The following MTUS1 variants were observed in gnomAD, a reference collection of about 807,000 sequenced individuals.
MTUS1 encodes microtubule-associated tumor suppressor 1.
MTUS1 carries 109 observed loss-of-function variants against 120.8 expected under a neutral mutation model. The observed-to-expected ratio is 0.90, with a 90% CI of 0.77 to 1.06. MTUS1 has a LOEUF of 1.06. Ranked by LOEUF, MTUS1 falls within the 50% of genes least tolerant of loss-of-function variation. The pLI, the probability that MTUS1 is intolerant of heterozygous loss-of-function variation, is 0.00. For missense variants in MTUS1, 2,210 were observed against 1,486.3 expected (o/e 1.49, Z -8.01); for synonymous variants, 737 against 550.5 (o/e 1.34, Z -4.74).
intron 9 of MTUS1, among the ~76,000 whole-genome samples, chr8:17,655,324 T>C (rs1807973727): frequency 6.6e-6 from 1 of 152,120 alleles, no homozygotes. Context: ...AACAATAGTT[T>C]GGCAACACAC....
intron 3 of MTUS1, among the ~76,000 whole-genome samples, chr8:17,739,050 G>T (rs2047126643): frequency 6.6e-6 from 1 of 152,144 alleles, no homozygotes; most frequent in Middle Eastern, 3.4e-3. Flanking sequence ...CGCTGAGACA[G>T]GAGGATTTCT....
chr8:17,721,105 C>T (rs974788404), intron 4 of MTUS1, among the ~76,000 whole-genome samples: 1 of 152,088 alleles, frequency 6.6e-6, no homozygotes, highest in South Asian at 2.1e-4. Flanking sequence ...GATATCACAT[C>T]ACAAAGAAAC....
chr8:17,787,226 A>G (rs2051380476), intron 1 of MTUS1, among the ~76,000 whole-genome samples: 1 of 152,206 alleles, frequency 6.6e-6, no homozygotes, highest in Non-Finnish European at 1.5e-5. Context: ...AGCCTCCAGC[A>G]TGGGTAAAGA....
intron 3 of MTUS1, among the ~76,000 whole-genome samples, chr8:17,729,060 C>T (rs544469849): frequency 4.6e-5 from 7 of 152,252 alleles, no homozygotes; most frequent in Non-Finnish European, 7.4e-5. Flanking sequence ...AGTTAAAATA[C>T]GAGACATGAG....
At chr8:17,655,286 TAA>T (rs35229905) in intron 9 of MTUS1, among the ~76,000 whole-genome samples, 40 of 137,028 alleles carry the variant, frequency 2.9e-4, no homozygotes, top group Non-Finnish European at 3.9e-4. Flanking sequence ...CAGATGCCAC[TAA>T]AAAAAAAAAA....
intron 3 of MTUS1, among the ~76,000 whole-genome samples, chr8:17,724,716 C>T (rs919965655): frequency 6.6e-6 from 1 of 152,166 alleles, no homozygotes; most frequent in Non-Finnish European, 1.5e-5. Context: ...CCCAGTCTTT[C>T]GCTCTTAACC....
At position 17,722,882 on chromosome 8, in the gene MTUS1, C is replaced by T. The variant is rs142202690; in HGVS notation, c.2449+790G>A. Among the ~76,000 whole-genome samples the T allele has an allele frequency of 5.3e-3, 812 of 152,284 alleles. 6 individuals carry two copies. Among genetic ancestry groups the T allele is most frequent in the African/African-American group, 0.018 (750 of 41,572 alleles). ...CCAACTCCTCACCCAAAAGAAGAAA[C>T]TGATCTGTCAAACTGAAGAGATCAG... On this transcript the variant is annotated intron_variant, in intron 4 of 14. Coordinates refer to ENST00000693296, the MANE Select transcript of MTUS1 (RefSeq NM_001363059.2).
chr8:17,753,281 A>C (rs76064072), intron 2 of MTUS1, among the ~76,000 whole-genome samples: 14,778 of 152,114 alleles, frequency 0.097, 812 homozygotes, highest in South Asian at 0.16. Flanking sequence ...CTCCTCCGCA[A>C]GAGTCCAGGA....
rs545209431 is a variant in MTUS1 at position 17,772,591 on chromosome 8, T to C, written c.-154-16630A>G. Reference sequence around the variant, plus strand: ...GATGTCAATTAACATAAGAAACCAGTACATTCAGTACTCTAGTAGGTTGTT... The same window carrying C: ...GATGTCAATTAACATAAGAAACCAGCACATTCAGTACTCTAGTAGGTTGTT... On this transcript the variant is annotated intron_variant, in intron 1 of 14. Transcript: ENST00000693296. 2.6e-5 allele frequency among the ~76,000 whole-genome samples: 4 copies of C among 152,328 alleles called. No individual in the cohort carries two copies. The South Asian group carries it at 8.3e-4, about 32-fold the overall frequency.
chr8:17,660,228 C>T (rs972676520), intron 8 of MTUS1, among the ~76,000 whole-genome samples: 3 of 152,006 alleles, frequency 2.0e-5, no homozygotes, highest in Admixed American at 6.6e-5. Flanking sequence ...CAAAAATTAG[C>T]GGGGCATGAT....
intron 8 of MTUS1, among the ~76,000 whole-genome samples, chr8:17,668,145 C>G (rs370658825): frequency 6.6e-6 from 1 of 152,188 alleles, no homozygotes; most frequent in Non-Finnish European, 1.5e-5. Context: ...ACAGCCTGCA[C>G]GTGGCCCAGG....
At chr8:17,734,214 G>A (rs991498498) in intron 3 of MTUS1, 10 of 152,046 alleles carry the variant, frequency 6.6e-5, no homozygotes, top group East Asian at 5.8e-4. Flanking sequence ...TAGCATACAC[G>A]CTCTATCTGT....
At chr8:17,744,637 A>ATT (rs1204588865) in intron 2 of MTUS1, among the ~76,000 whole-genome samples, 72 of 80,804 alleles carry the variant, frequency 8.9e-4, no homozygotes, top group African/African-American at 3.2e-3. Context: ...TAAGTTTTGT[A>ATT]TTTTTTTTTT....
chr8:17,655,868 C>T lies in MTUS1; in HGVS notation c.3103G>A (p.Glu1035Lys), dbSNP rs775975949. The change falls in exon 9 of 15, where the codon GAG becomes AAG. Residue 1035 changes from glutamate to lysine, a missense_variant. Transcript: ENST00000693296. ...EAEKYKMQLQ[E>K]QFDNLNAAHE... ...CTGGCTGCAAAAGCACAGACCTGCT[C>T]TTGCAATTGCATTTTGTACTTCTCT... 3 of 1,614,146 alleles carry T rather than the reference C, an allele frequency of 1.9e-6. No individual in the cohort carries two copies. Among genetic ancestry groups the T allele is most frequent in the Non-Finnish European group, 1.7e-6 (2 of 1,179,962 alleles).
intron 3 of MTUS1, among the ~76,000 whole-genome samples, chr8:17,740,380 A>G (rs1563298724): frequency 6.6e-6 from 1 of 152,202 alleles, no homozygotes. Flanking sequence ...TGGCTGGAAC[A>G]TTTCTGCCGC....
chr8:17,706,041 C>A (rs1820092833), intron 6 of MTUS1: 1 of 152,118 alleles, frequency 6.6e-6, no homozygotes, highest in Non-Finnish European at 1.5e-5. Flanking sequence ...TAAATTACAA[C>A]AGTTAGACCC....
At chr8:17,660,728 C>T (rs114765561) in intron 8 of MTUS1, among the ~76,000 whole-genome samples, 192 of 152,244 alleles carry the variant, frequency 1.3e-3, no homozygotes, top group African/African-American at 4.5e-3. Flanking sequence ...ATGTAACAGC[C>T]ATCCTAATGA....
intron 1 of MTUS1, among the ~76,000 whole-genome samples, chr8:17,757,662 G>T (rs1048442871): frequency 6.6e-6 from 1 of 152,092 alleles, no homozygotes; most frequent in Non-Finnish European, 1.5e-5. Context: ...GAGTAGCAGG[G>T]ACTACAGGTG....
At chr8:17,709,425 G>C (rs1180022881) in intron 6 of MTUS1, among the ~76,000 whole-genome samples, 2 of 152,030 alleles carry the variant, frequency 1.3e-5, no homozygotes, top group Admixed American at 1.3e-4. Context: ...TATTTGAGCA[G>C]GTTTTTTATT....
Sources: gnomAD v4.1 joint callset for allele counts (sites outside exome capture counted in the v4.1 genomes callset) on GRCh38, gnomAD v4.1.1 for gene constraint, MANE v1.5 for transcripts, NCBI Gene and HGNC (gene_info 2026-07-23, HGNC 2026-07-21) for gene names.